Variants in RFPL1 observed in about 807,000 individuals in gnomAD.
The protein encoded by RFPL1 is ret finger protein-like 1.
Under a neutral mutation model 9.6 loss-of-function variants are expected in RFPL1, and 6 were observed. The observed-to-expected ratio is 0.62, with a 90% confidence interval of 0.34 to 1.23. The LOEUF (loss-of-function observed/expected upper bound fraction) is 1.23. Among genes scored for constraint, RFPL1 ranks in the 50% most tolerant of loss-of-function variants. The pLI, the probability that RFPL1 is intolerant of heterozygous loss-of-function variation, is 0.03. For synonymous variants in RFPL1, 145 were observed against 149.4 expected, an observed-to-expected ratio of 0.97 and a Z score of 0.22; for missense variants, 352 against 398.4, an observed-to-expected ratio of 0.88 and a Z score of 0.99.
the RFPL1 span, among the ~76,000 whole-genome samples, chr22:29,419,941 G>A: frequency 3.0e-4 from 45 of 152,296 alleles, no homozygotes; most frequent in African/African-American, 9.9e-4. Flanking sequence ...CTCAGCCAGG[G>A]AGCTAAAAAC....
the RFPL1 span, among the ~76,000 whole-genome samples, chr22:29,405,936 C>T: frequency 6.7e-6 from 1 of 149,980 alleles, no homozygotes; most frequent in East Asian, 2.0e-4. Flanking sequence ...GGTGAAACCC[C>T]GTCTCTACTA....
chr22:29,420,362 G>A, the RFPL1 span, among the ~76,000 whole-genome samples: 3 of 152,014 alleles, frequency 2.0e-5, no homozygotes, highest in Non-Finnish European at 4.4e-5. Context: ...ATGGAGTCTC[G>A]CTCTGTCACC....
chr22:29,414,212 T>TG, the RFPL1 span, among the ~76,000 whole-genome samples: 1 of 36,850 alleles, frequency 2.7e-5, no homozygotes, highest in East Asian at 2.2e-3. Flanking sequence ...ATAACATTCC[T>TG]TTTGCACCCC....
At chr22:29,418,660 C>A in the RFPL1 span, among the ~76,000 whole-genome samples, 1 of 151,990 alleles carries the variant, frequency 6.6e-6, no homozygotes, top group African/African-American at 2.4e-5. Flanking sequence ...CCACCATGCC[C>A]GGCTAATTTT....
chr22:29,391,231 C>T, the RFPL1 span, among the ~76,000 whole-genome samples: 28 of 152,168 alleles, frequency 1.8e-4, no homozygotes, highest in African/African-American at 6.7e-4. Context: ...TCTCACAGTG[C>T]TGGGGACTGG....
the RFPL1 span, among the ~76,000 whole-genome samples, chr22:29,395,951 C>T: frequency 6.6e-6 from 1 of 150,992 alleles, no homozygotes; most frequent in Non-Finnish European, 1.5e-5. Flanking sequence ...CCAGCCTGGG[C>T]AACAGAGCGA....
At chr22:29,396,261 G>C in the RFPL1 span, among the ~76,000 whole-genome samples, 1 of 152,140 alleles carries the variant, frequency 6.6e-6, no homozygotes, top group Non-Finnish European at 1.5e-5. Flanking sequence ...GGAGGTGTTT[G>C]GGTCATGAAG....
chr22:29,428,261 A>G, the RFPL1 span, among the ~76,000 whole-genome samples: 3 of 152,230 alleles, frequency 2.0e-5, no homozygotes, highest in African/African-American at 7.2e-5. Flanking sequence ...ACATAAAAAG[A>G]GACATAGCAG....
At chr22:29,420,608 C>T in the RFPL1 span, among the ~76,000 whole-genome samples, 2 of 136,616 alleles carry the variant, frequency 1.5e-5, no homozygotes, top group African/African-American at 2.7e-5. Flanking sequence ...GGATTACAGG[C>T]ATGAGCCACT....
chr22:29,396,633 A>G, the RFPL1 span, among the ~76,000 whole-genome samples: 2 of 152,206 alleles, frequency 1.3e-5, no homozygotes, highest in African/African-American at 4.8e-5. Flanking sequence ...TATTAATTTA[A>G]TTTGTATTAA....
the RFPL1 span, among the ~76,000 whole-genome samples, chr22:29,432,317 A>AT: frequency 1.2e-4 from 19 of 152,090 alleles, no homozygotes; most frequent in Admixed American, 1.2e-3. Context: ...AGCCCCCTGC[A>AT]TTTGTGTCTG....
chr22:29,400,284 C>T, the RFPL1 span, among the ~76,000 whole-genome samples: 7 of 152,190 alleles, frequency 4.6e-5, no homozygotes, highest in African/African-American at 1.4e-4. Context: ...GTGTGAGCCA[C>T]CACGCCCGGC....
the RFPL1 span, chr22:29,419,032 G>A: frequency 1.5e-6 from 1 of 679,484 alleles, no homozygotes; most frequent in Admixed American, 2.4e-5. Flanking sequence ...TTTTATGAAG[G>A]GAGCTGTATG....
intron 1 of RFPL1, chr22:29,440,285 T>C (rs551062456): frequency 6.6e-6 from 1 of 152,322 alleles, no homozygotes; most frequent in East Asian, 1.9e-4. Context: ...TCTCATTTCA[T>C]TCCCTAATTC....
the RFPL1 span, among the ~76,000 whole-genome samples, chr22:29,401,410 G>T: frequency 1.3e-5 from 2 of 152,204 alleles, no homozygotes; most frequent in African/African-American, 2.4e-5. Context: ...CAACCAGACG[G>T]TTCCATTTCA....
the RFPL1 span, among the ~76,000 whole-genome samples, chr22:29,394,640 C>A: frequency 6.6e-6 from 1 of 152,250 alleles, no homozygotes; most frequent in African/African-American, 2.4e-5. Context: ...CTGCACCGGG[C>A]CTGGCCAGTT....
upstream of RFPL1, chr22:29,436,817 C>T (rs1353093217): frequency 2.0e-5 from 3 of 152,126 alleles, no homozygotes; most frequent in African/African-American, 7.2e-5. Flanking sequence ...TTAAAGCCGA[C>T]CAAAATTAGG....
the RFPL1 span, among the ~76,000 whole-genome samples, chr22:29,392,378 C>CTT: frequency 0.076 from 3,504 of 46,196 alleles, 708 homozygotes; most frequent in African/African-American, 0.09. Flanking sequence ...CCACACCTGG[C>CTT]TTTTTTTTTT....
At chr22:29,394,853 C>T in the RFPL1 span, among the ~76,000 whole-genome samples, 1 of 152,208 alleles carries the variant, frequency 6.6e-6, no homozygotes, top group Non-Finnish European at 1.5e-5. Context: ...AGCAATGGGC[C>T]TAGCGGAGAG....
Sources: gnomAD v4.1 joint callset for allele counts (sites outside exome capture counted in the v4.1 genomes callset) on GRCh38, gnomAD v4.1.1 for gene constraint, MANE v1.5 for transcripts, NCBI Gene and HGNC (gene_info 2026-07-23, HGNC 2026-07-21) for gene names.